Variants in ATP11A observed in about 807,000 individuals in gnomAD.
ATP11A encodes phospholipid-transporting ATPase IH.
Under a neutral mutation model 154.4 loss-of-function variants are expected in ATP11A, and 81 were observed. That is an observed-to-expected ratio of 0.52 (90% CI 0.44 to 0.63). The LOEUF (loss-of-function observed/expected upper bound fraction) is 0.63, where lower values mean the gene tolerates loss of function less well. ATP11A is among the 30% of genes least tolerant of loss of function. ATP11A has a pLI of 0.00. For missense variants in ATP11A, 1,316 were observed against 1,474.3 expected (o/e 0.89, Z 1.76); for synonymous variants, 623 against 585.9 (o/e 1.06, Z -0.91).
At chr13:112,732,476 C>T (rs1890588231) in intron 1 of ATP11A, among the ~76,000 whole-genome samples, 1 of 151,638 alleles carries the variant, frequency 6.6e-6, no homozygotes. Context: ...CTCTCCAGCT[C>T]CATCTCTCTC....
At position 112,785,996 on chromosome 13, in the gene ATP11A, C is replaced by T. The variant is rs548906151; in HGVS notation, c.162+739C>T. Among the ~76,000 whole-genome samples, 288 of 122,530 alleles carry T rather than the reference C, an allele frequency of 2.4e-3. 16 individuals are homozygous for T. Among genetic ancestry groups the T allele is most frequent in the African/African-American group, 8.6e-3 (266 of 31,050 alleles). The allele number at this position is 122,530 out of a possible 152,430, so 80.4% of individuals were successfully genotyped here. ...AATGGATGAGCTAAACCCACGCACA[C>T]GCGTGGACGGGCTGCACATGGGGTA... On this transcript the variant is annotated intron_variant, in intron 2 of 29. Coordinates refer to ENST00000375645, the MANE Select transcript of ATP11A (RefSeq NM_015205.3). This position sits in a 1 kb window ranked among gnomAD's most constrained non-coding sequence, Gnocchi z 4.8.
chr13:112,810,293 T>C (rs960362905), intron 4 of ATP11A, among the ~76,000 whole-genome samples: 1 of 152,244 alleles, frequency 6.6e-6, no homozygotes, highest in African/African-American at 2.4e-5. Flanking sequence ...CACTTCTTTT[T>C]TAGGAATTTA....
chr13:112,881,620 C>A (rs533118857), intron 29 of ATP11A: 2 of 1,188,244 alleles, frequency 1.7e-6, no homozygotes, highest in African/African-American at 3.2e-5. Flanking sequence ...AGACAGAGAC[C>A]CCTCGCCTCC....
Position 112,851,029 on chromosome 13 carries a change from T to G in ATP11A, c.1810-8T>G. 1 of 1,612,494 alleles carries G rather than the reference T, an allele frequency of 6.2e-7. No homozygotes were observed. ...AATTCGTGCTAAACGCTGCATTGTG[T>G]TCTGCAGGAGGGGCTCCGAACTTTG... is the stretch of plus-strand genomic sequence containing the variant. On this transcript the variant is annotated splice_region_variant and splice_polypyrimidine_tract_variant and intron_variant, in intron 17 of 29. Transcript: ENST00000375645.
intron 1 of ATP11A, among the ~76,000 whole-genome samples, chr13:112,779,638 G>A (rs946302112): frequency 1.3e-5 from 2 of 152,178 alleles, no homozygotes; most frequent in Admixed American, 6.5e-5. Context: ...TTCCTGCCAG[G>A]CGCAGTGGCT....
chr13:112,837,306 A>T (rs535743639), intron 16 of ATP11A, among the ~76,000 whole-genome samples: 1 of 152,096 alleles, frequency 6.6e-6, no homozygotes, highest in Non-Finnish European at 1.5e-5. Flanking sequence ...GGGCTTTCCC[A>T]TAGGAAGGGC....
At position 112,785,969 on chromosome 13, in the gene ATP11A, A is replaced by C. The variant is rs1394593729; in HGVS notation, c.162+712A>C. 1.3e-5 allele frequency among the ~76,000 whole-genome samples: 2 copies of C among 148,330 alleles called. No homozygotes were observed. The highest frequency in any genetic ancestry group is 3.0e-5 in the Non-Finnish European group (2 of 66,826). ...ACTCCATTTATCTTCACCGTCCTTC[A>C]AAATGGATGAGCTAAACCCACGCAC... On this transcript the variant is annotated intron_variant, in intron 2 of 29. Transcript: ENST00000375645. The surrounding 1 kb of genome is among the most constrained non-coding windows in gnomAD (Gnocchi z 4.8).
chr13:112,819,845 C>T, intron 7 of ATP11A, 55 bp from the exon 8 acceptor site: 6 of 1,606,416 alleles, frequency 3.7e-6, no homozygotes, highest in Admixed American at 1.7e-5. Context: ...CAGGCGCGCG[C>T]TTCCCGGGGG....
At chr13:112,781,996 G>A (rs939349702) in intron 1 of ATP11A, among the ~76,000 whole-genome samples, 8 of 152,274 alleles carry the variant, frequency 5.3e-5, no homozygotes, top group African/African-American at 1.4e-4. Flanking sequence ...GCAAGGCCGC[G>A]CACTTGCCAG....
Position 112,854,599 on chromosome 13 carries a change from C to G in ATP11A, c.2243+69C>G. The G allele has an allele frequency of 5.2e-6, 8 of 1,528,154 alleles. No individual in the cohort carries two copies. The South Asian group carries it at 9.6e-5, about 18-fold the overall frequency. 94.7% of individuals were successfully genotyped at this position (1,528,154 alleles called of 1,614,324 possible). A position where few individuals can be genotyped will look rare whatever the true frequency, so the allele number is the denominator to read the frequency against. On this transcript the variant is annotated intron_variant, in intron 19 of 29. Transcript: ENST00000375645. The stretch of plus-strand genomic sequence containing the variant: ...GGGGCTTCAGACCCAGTGGCCTTCA[C>G]CTGCAAGTCGGGGAGCCGCATTGTC...
chr13:112,795,448 C>A (rs1332147979), intron 2 of ATP11A, among the ~76,000 whole-genome samples: 1 of 152,238 alleles, frequency 6.6e-6, no homozygotes, highest in Non-Finnish European at 1.5e-5. Flanking sequence ...TCCACTGTCA[C>A]AGTTCCCAGC....
At chr13:112,760,443 A>G (rs2076937722) in intron 1 of ATP11A, among the ~76,000 whole-genome samples, 2 of 152,228 alleles carry the variant, frequency 1.3e-5, no homozygotes, top group Admixed American at 1.3e-4. Flanking sequence ...TTCAGTAAAA[A>G]AGATGTTTTA....
In ATP11A at chr13:112,690,559, G is replaced by T. The variant is rs1279836543; in HGVS notation, c.39+104G>T. 17 of 1,119,318 alleles carry T rather than the reference G, an allele frequency of 1.5e-5. No individual in the cohort carries two copies. The highest frequency in any genetic ancestry group is 1.9e-5 in the Non-Finnish European group (17 of 884,184). The allele number at this position is 1,119,318 out of a possible 1,614,324, so 69.3% of individuals were successfully genotyped here. A position where few individuals can be genotyped will look rare whatever the true frequency, so the allele number is the denominator to read the frequency against. On this transcript the variant is annotated intron_variant, in intron 1 of 29. Transcript: ENST00000375645. This position sits in a 1 kb window ranked among gnomAD's most constrained non-coding sequence, Gnocchi z 5.6. The stretch of plus-strand genomic sequence containing the variant: ...CGGTCCAGCCCCGGGGTCCCGGGAG[G>T]TCTCCGATGTCTGGGACTCGGACCG...
intron 1 of ATP11A, among the ~76,000 whole-genome samples, chr13:112,783,412 C>T (rs548158151): frequency 1.3e-5 from 2 of 152,330 alleles, no homozygotes; most frequent in South Asian, 4.1e-4. Context: ...GTTCTGTTCC[C>T]GTTGCCTCAT....
chr13:112,865,084 G>C (rs79245665), intron 25 of ATP11A, among the ~76,000 whole-genome samples: 914 of 52,928 alleles, frequency 0.017, 1 homozygote, highest in Middle Eastern at 0.048. Context: ...TCACCACATG[G>C]GCAGTAATTC....
chr13:112,803,655 G>A (rs1252916758), intron 2 of ATP11A, among the ~76,000 whole-genome samples: 3 of 150,636 alleles, frequency 2.0e-5, no homozygotes, highest in Non-Finnish European at 3.0e-5. Context: ...GTGGAGAGGA[G>A]ATGCTGTGGT....
chr13:112,837,960 G>C (rs2079285989), intron 16 of ATP11A, among the ~76,000 whole-genome samples: 1 of 152,184 alleles, frequency 6.6e-6, no homozygotes, highest in South Asian at 2.1e-4. Flanking sequence ...GCCTTCGCTG[G>C]TTCCTTAGAC....
intron 1 of ATP11A, among the ~76,000 whole-genome samples, chr13:112,782,694 C>G (rs1459782576): frequency 6.6e-6 from 1 of 152,084 alleles, no homozygotes; most frequent in Non-Finnish European, 1.5e-5. Flanking sequence ...GGAGGAGGGC[C>G]CGTCCTCGTG....
intron 25 of ATP11A, among the ~76,000 whole-genome samples, chr13:112,865,609 G>A (rs1347495642): frequency 2.0e-5 from 3 of 152,218 alleles, no homozygotes; most frequent in Non-Finnish European, 4.4e-5. Flanking sequence ...GAGTGCAATG[G>A]CGCAGTCTTG....
Sources: allele counts gnomAD v4.1 joint callset (sites outside exome capture counted in the v4.1 genomes callset), GRCh38; gene constraint gnomAD v4.1.1; non-coding constraint Gnocchi (gnomAD v3.1); transcripts MANE v1.5; gene names NCBI Gene and HGNC (gene_info 2026-07-23, HGNC 2026-07-21).